The following GPR149 variants were observed in gnomAD, a reference collection of about 807,000 sequenced individuals.
GPR149 encodes G protein-coupled receptor 149, also known as probable G protein-coupled receptor 149.
GPR149 carries 50 observed loss-of-function variants against 50.2 expected under a neutral mutation model. That is an observed-to-expected ratio of 1.00 (90% confidence interval 0.79 to 1.26). The LOEUF (loss-of-function observed/expected upper bound fraction) is 1.26, where lower values mean the gene tolerates loss of function less well. GPR149 is among the 50% of genes most tolerant of loss of function. The probability of loss-of-function intolerance (pLI) is 0.00; values close to 1 mark genes in which losing one functional copy is unlikely to be tolerated. For missense variants in GPR149, 983 were observed against 895.4 expected (o/e 1.10, Z -1.25); for synonymous variants, 405 against 358.2 (o/e 1.13, Z -1.48).
intron 3 of GPR149, among the ~76,000 whole-genome samples, chr3:154,365,569 C>T (rs373562333): frequency 1.3e-5 from 2 of 152,108 alleles, no homozygotes; most frequent in African/African-American, 2.4e-5. Flanking sequence ...AATTCAATCT[C>T]GAGCATTTTT....
intron 3 of GPR149, among the ~76,000 whole-genome samples, chr3:154,404,744 A>G (rs1016626761): frequency 6.6e-6 from 1 of 152,226 alleles, no homozygotes; most frequent in Non-Finnish European, 1.5e-5. Flanking sequence ...CATCTGTAAA[A>G]TTGAGTAACA....
chr3:154,383,788 T>A (rs1714984805), intron 3 of GPR149, among the ~76,000 whole-genome samples: 1 of 151,932 alleles, frequency 6.6e-6, no homozygotes, highest in African/African-American at 2.4e-5. Flanking sequence ...TTTTAAGAGA[T>A]GATTAGGTCA....
At chr3:154,398,842 A>G (rs936699767) in intron 3 of GPR149, among the ~76,000 whole-genome samples, 35 of 152,184 alleles carry the variant, frequency 2.3e-4, no homozygotes, top group African/African-American at 8.4e-4. Context: ...AACAGCAGGA[A>G]GATTGGATCA....
At chr3:154,355,404 C>T (rs1184028818) in intron 3 of GPR149, among the ~76,000 whole-genome samples, 2 of 152,266 alleles carry the variant, frequency 1.3e-5, no homozygotes, top group Admixed American at 6.5e-5. Context: ...TCCGTGTGTA[C>T]AATCATCACA....
chr3:154,410,091 A>G (rs948596489), intron 3 of GPR149, among the ~76,000 whole-genome samples: 2 of 152,298 alleles, frequency 1.3e-5, no homozygotes, highest in African/African-American at 4.8e-5. Flanking sequence ...CTCCTTAAAC[A>G]AAACAATCAT....
intron 3 of GPR149, among the ~76,000 whole-genome samples, chr3:154,384,864 C>T (rs960140409): frequency 2.0e-5 from 3 of 152,204 alleles, no homozygotes; most frequent in Admixed American, 6.5e-5. Flanking sequence ...TATGGCACAA[C>T]TATAGAATAG....
chr3:154,426,695 G>C (rs939153099), intron 2 of GPR149, among the ~76,000 whole-genome samples: 2 of 152,150 alleles, frequency 1.3e-5, no homozygotes, highest in Non-Finnish European at 2.9e-5. Flanking sequence ...ACTGTAGGGA[G>C]TTCTGGAAGG....
chr3:154,388,074 T>C (rs1395318114), intron 3 of GPR149, among the ~76,000 whole-genome samples: 3 of 152,130 alleles, frequency 2.0e-5, no homozygotes, highest in Admixed American at 6.6e-5. Context: ...GGAAAGCATA[T>C]TGATATGTGA....
chr3:154,424,446 G>A (rs923573107), intron 2 of GPR149, among the ~76,000 whole-genome samples: 9 of 151,784 alleles, frequency 5.9e-5, no homozygotes, highest in South Asian at 2.1e-4. Context: ...CAAAAAAATG[G>A]TATCTTTATA....
intron 3 of GPR149, among the ~76,000 whole-genome samples, chr3:154,384,810 CT>C (rs1430883908): frequency 6.6e-6 from 1 of 152,154 alleles, no homozygotes; most frequent in Non-Finnish European, 1.5e-5. Context: ...TAATTTAGGG[CT>C]TGTCATTGGA....
chr3:154,335,079 C>G lies in GPR149; in HGVS notation c.*2620G>C, dbSNP rs1713622537. 6.6e-6 allele frequency: 1 copy of G among 151,868 alleles called. No homozygotes were observed. Among genetic ancestry groups the G allele is most frequent in the African/African-American group, 2.4e-5 (1 of 41,346 alleles). The allele number at this position is 151,868 out of a possible 1,614,324, so 9.4% of individuals were successfully genotyped here. The stretch of plus-strand genomic sequence containing the variant: ...TTAGGTGTTTATACTATTTGGGAGT[C>G]TCGGGGATTACGTGTTTGCAGTTTA... On this transcript the variant is annotated 3_prime_UTR_variant, in exon 4 of 4. Transcript: ENST00000389740.
intron 2 of GPR149, among the ~76,000 whole-genome samples, chr3:154,421,824 A>G (rs887350640): frequency 6.6e-6 from 1 of 151,790 alleles, no homozygotes; most frequent in Non-Finnish European, 1.5e-5. Flanking sequence ...TTAGTCTACC[A>G]ATGATTTTGC....
chr3:154,340,597 G>A (rs958550027), intron 3 of GPR149, among the ~76,000 whole-genome samples: 2 of 152,208 alleles, frequency 1.3e-5, no homozygotes, highest in African/African-American at 2.4e-5. Flanking sequence ...AGTTCTAAAT[G>A]TAGTAATTGA....
At chr3:154,428,419 A>C (rs188878560) in intron 1 of GPR149, among the ~76,000 whole-genome samples, 1 of 152,294 alleles carries the variant, frequency 6.6e-6, no homozygotes, top group East Asian at 1.9e-4. Context: ...TGACTTTTGA[A>C]AGGAGAAGCA....
At chr3:154,423,614 A>C (rs1712207577) in intron 2 of GPR149, among the ~76,000 whole-genome samples, 1 of 151,890 alleles carries the variant, frequency 6.6e-6, no homozygotes, top group Admixed American at 6.6e-5. Context: ...AGTATCATAA[A>C]GTTGACAATG....
In GPR149 at chr3:154,346,595, CTTTTCT is replaced by C. The variant is rs560871753; in HGVS notation, c.1624-8330_1624-8325del. On this transcript the variant is annotated intron_variant, in intron 3 of 3. Transcript: ENST00000389740. ...AGCTACAAATTAAGGTTTTTCTTTT[CTTTTCT>C]TTTTCTTTTTTTTTTTTGAGATGGA... Among the ~76,000 whole-genome samples the C allele has an allele frequency of 2.4e-3, 367 of 151,088 alleles. 2 individuals carry two copies. Among genetic ancestry groups the C allele is most frequent in the African/African-American group, 8.8e-3 (361 of 41,112 alleles).
chr3:154,412,326 C>T (rs73000773), intron 3 of GPR149, among the ~76,000 whole-genome samples: 2,817 of 151,866 alleles, frequency 0.019, 73 homozygotes, highest in African/African-American at 0.065. Flanking sequence ...TTCTGTTCAA[C>T]ATAGAAGTCC....
intron 3 of GPR149, among the ~76,000 whole-genome samples, chr3:154,366,426 G>A (rs760560456): frequency 2.2e-4 from 33 of 152,122 alleles, no homozygotes; most frequent in Non-Finnish European, 4.3e-4. Flanking sequence ...CTTTGGTGGG[G>A]GAAATTTGCA....
At chr3:154,424,109 C>T (rs971051828) in intron 2 of GPR149, among the ~76,000 whole-genome samples, 20 of 151,716 alleles carry the variant, frequency 1.3e-4, no homozygotes, top group African/African-American at 4.6e-4. Context: ...AGACAAACCA[C>T]GTTCATAGAC....
Sources: gnomAD v4.1 joint callset for allele counts (sites outside exome capture counted in the v4.1 genomes callset) on GRCh38, gnomAD v4.1.1 for gene constraint, MANE v1.5 for transcripts, NCBI Gene and HGNC (gene_info 2026-07-23, HGNC 2026-07-21) for gene names.